GTPBP3: variants seen among roughly 807,000 people sequenced by gnomAD.
GTPBP3 encodes GTP binding protein 3, mitochondrial, also known as 5-taurinomethyluridine-[tRNA] synthase subunit GTPB3, mitochondrial.
In GTPBP3, 35 loss-of-function variants were observed where a neutral mutation model predicts 42.0. The ratio of observed to expected loss-of-function variants is 0.83; its 90% CI spans 0.64 to 1.10. The LOEUF (loss-of-function observed/expected upper bound fraction) is 1.10. Among genes scored for constraint, GTPBP3 ranks in the 50% least tolerant of loss-of-function variants. GTPBP3 has a pLI of 0.00. For missense variants in GTPBP3, 691 were observed against 685.2 expected (o/e 1.01, Z -0.09); for synonymous variants, 332 against 314.9 (o/e 1.05, Z -0.58).
rs759834872 is a variant in GTPBP3 at position 17,338,687 on chromosome 19, G to C, written c.537G>C (p.Gln179His). 7.4e-6 allele frequency: 12 copies of C among 1,613,450 alleles called. No homozygotes were observed. Among genetic ancestry groups the C allele is most frequent in the Admixed American group, 3.3e-5 (2 of 59,994 alleles). Residue 179 changes from glutamine (Q) to histidine (H), a missense_variant, in exon 4 of 9, where the codon CAG becomes CAC. Gln to His is a conservative substitution (Grantham distance 24). Coordinates refer to ENST00000324894, the MANE Select transcript of GTPBP3 (RefSeq NM_032620.4). ...CGCAGCGGCGGCAGGCCCTCAGGCAGCTGGACGGAGAGCTGGGCCACCTCT... is the reference window on the plus strand; with the variant it reads ...CGCAGCGGCGGCAGGCCCTCAGGCACCTGGACGGAGAGCTGGGCCACCTCT... ...TEAQRRQALR[Q>H]LDGELGHLCR...
At chr19:17,336,235 CAAAAA>C (rs1196472362), upstream of GTPBP3, among the ~76,000 whole-genome samples, 1 of 15,794 alleles carries the variant, frequency 6.3e-5, no homozygotes, top group African/African-American at 2.7e-4. Context: ...GACCCCGTCT[CAAAAA>C]AAAAAAAAAA....
chr19:17,341,603 C>A lies in GTPBP3; in HGVS notation c.1379C>A (p.Ala460Glu), dbSNP rs766123154. Residue 460 changes from alanine to glutamate, a missense_variant, in exon 9 of 9, where the codon GCG becomes GAG. Transcript: ENST00000324894. Reference protein sequence around the residue: ...QSKDLALAAEALRVARGHLTR... With the variant: ...QSKDLALAAEELRVARGHLTR... ...AAAGACCTGGCCCTGGCGGCAGAGG[C>A]GCTGCGGGTGGCCCGGGGTCACCTG... The A allele has an allele frequency of 1.2e-5, 20 of 1,613,826 alleles. No individual in the cohort carries two copies. The highest frequency in any genetic ancestry group is 1.7e-5 in the Non-Finnish European group (20 of 1,179,938).
chr19:17,335,011 A>T (rs2074354784), upstream of GTPBP3: 1 of 1,535,794 alleles, frequency 6.5e-7, no homozygotes, highest in Admixed American at 2.0e-5. Context: ...CTGATGGTGC[A>T]TTCTCCAACT....
chr19:17,338,776 G>A, intron 4 of GTPBP3, 35 bp downstream of exon 4: 1 of 1,581,434 alleles, frequency 6.3e-7, no homozygotes, highest in Non-Finnish European at 8.6e-7. Flanking sequence ...CTCCCTCAGA[G>A]ACCCCATCTG....
intron 7 of GTPBP3, among the ~76,000 whole-genome samples, chr19:17,340,791 CCCGCA>C (rs1206600111): frequency 2.7e-5 from 4 of 150,464 alleles, no homozygotes; most frequent in African/African-American, 9.9e-5. Flanking sequence ...CTGCCCCGCT[CCCGCA>C]CCGTGACCGC....
In GTPBP3 at chr19:17,341,710, C is replaced by A; in HGVS notation, c.*7C>A. On this transcript the variant is annotated 3_prime_UTR_variant, in exon 9 of 9. Transcript: ENST00000324894. ...CTTCTGTGTGGGCAAGTGACGGGAT[C>A]CAGGGAAGTCGCACCCAAGCTGCGT... The A allele has an allele frequency of 1.3e-6, 2 of 1,560,992 alleles. No homozygotes were observed. The highest frequency in any genetic ancestry group is 1.2e-5 in the South Asian group (1 of 84,616).
intron 7 of GTPBP3, among the ~76,000 whole-genome samples, chr19:17,339,944 A>G (rs1433974366): frequency 7.0e-6 from 1 of 142,888 alleles, no homozygotes; most frequent in Non-Finnish European, 1.5e-5. Context: ...TTTAGTAGAG[A>G]TGAGGTTTCA....
intron 7 of GTPBP3, among the ~76,000 whole-genome samples, chr19:17,340,781 C>G (rs913315850): frequency 5.4e-5 from 8 of 146,872 alleles, no homozygotes; most frequent in Non-Finnish European, 1.1e-4. Context: ...CCCTCCTGCT[C>G]TGCCCCGCTC....
chr19:17,338,595 G>A lies in GTPBP3; in HGVS notation c.445G>A (p.Ala149Thr), dbSNP rs1201855975. ...EAGEFTRRAF[A>T]NGKLNLTEVE... ...AGGCGAGTTCACCAGACGGGCGTTC[G>A]CCAATGGGAAGCTGAACCTGACCGA... Residue 149 changes from alanine to threonine, a missense_variant, in exon 4 of 9, where the codon GCC (alanine) becomes ACC (threonine). Ala to Thr is a moderately conservative substitution (Grantham distance 58, BLOSUM62 0). Transcript: ENST00000324894. 3.7e-6 allele frequency: 6 copies of A among 1,614,064 alleles called. No individual in the cohort carries two copies. Among genetic ancestry groups the A allele is most frequent in the South Asian group, 2.2e-5 (2 of 91,080 alleles).
Position 17,338,678 on chromosome 19 carries a change from C to A in GTPBP3, c.528C>A (p.Ala176=), listed in dbSNP as rs1294480105. ...HAETEAQRRQ[A]LRQLDGELGH... Reference sequence around the variant, plus strand: ...AAACAGAGGCGCAGCGGCGGCAGGCCCTCAGGCAGCTGGACGGAGAGCTGG... The same window carrying A: ...AAACAGAGGCGCAGCGGCGGCAGGCACTCAGGCAGCTGGACGGAGAGCTGG... Residue 176 remains alanine (A), a synonymous_variant, in exon 4 of 9, where the codon GCC becomes GCA. Transcript: ENST00000324894. The A allele has an allele frequency of 1.6e-5, 26 of 1,613,546 alleles. No homozygotes were observed. In the Admixed American group the frequency reaches 4.0e-4, roughly 25 times the overall value.
Position 17,338,732 on chromosome 19 carries a change from C to T in GTPBP3, c.582C>T (p.Thr194=), listed in dbSNP as rs1457308045. ...ACCTCTGCCGTGGCTGGGCCGAGAC[C>T]CTCACCAAAGCAAGTCCCCCATTTG... The part of the protein sequence containing the change: ...LGHLCRGWAE[T]LTKALAHVEA... The change falls in exon 4 of 9, where the codon ACC becomes ACT. Residue 194 remains threonine, a synonymous_variant. Coordinates refer to ENST00000324894, the MANE Select transcript of GTPBP3 (RefSeq NM_032620.4). The T allele has an allele frequency of 1.9e-6, 3 of 1,608,212 alleles. No individual in the cohort carries two copies. The highest frequency in any genetic ancestry group is 2.6e-6 in the Non-Finnish European group (3 of 1,176,220).
chr19:17,337,094 A>T (rs139197632), upstream of GTPBP3: 61 of 153,082 alleles, frequency 4.0e-4, no homozygotes, highest in African/African-American at 1.4e-3. Flanking sequence ...TGGGTTCTCC[A>T]GTACTCGTCC....
rs948734436 is a variant in GTPBP3 at position 17,342,271 on chromosome 19, T to C, written c.*568T>C. 6.6e-6 allele frequency: 1 copy of C among 151,608 alleles called. No individual in the cohort carries two copies. Among genetic ancestry groups the C allele is most frequent in the Non-Finnish European group, 1.5e-5 (1 of 67,964 alleles). The allele number at this position is 151,608 out of a possible 1,614,324, so 9.4% of individuals were successfully genotyped here. A position where few individuals can be genotyped will look rare whatever the true frequency, so the allele number is the denominator to read the frequency against. ...GGCATGTGCCAGCATGCCCGGCTAA[T>C]TTTTTTCTTTTTTTGAGACAGAGTC... On this transcript the variant is annotated 3_prime_UTR_variant, in exon 9 of 9. Transcript: ENST00000324894.
In GTPBP3 at chr19:17,338,526, G is replaced by T. The variant is rs764556394; in HGVS notation, c.389-13G>T. 6.8e-6 allele frequency: 11 copies of T among 1,613,156 alleles called. No individual in the cohort carries two copies. Among genetic ancestry groups the T allele is most frequent in the Non-Finnish European group, 9.3e-6 (11 of 1,179,470 alleles). On this transcript the variant is annotated splice_polypyrimidine_tract_variant and intron_variant, in intron 3 of 8. Transcript: ENST00000324894. ...TGGGGACCAGGGGGTGTCAGACTGG[G>T]ACCTTCCTGCAGGCAGCGTGCCAGG...
At position 17,338,259 on chromosome 19, in the gene GTPBP3, A is replaced by T; in HGVS notation, c.301+4A>T. ...GCACTGGTGCTCTGGTTCCCAGGTG[A>T]GGGTCCCCAGGTTCCGAGCCTCCTG... On this transcript the variant is annotated splice_donor_region_variant and intron_variant, in intron 2 of 8. Transcript: ENST00000324894. 2 of 1,593,128 alleles carry T rather than the reference A, an allele frequency of 1.3e-6. No homozygotes were observed. The highest frequency in any genetic ancestry group is 2.2e-5 in the South Asian group (2 of 89,768).
chr19:17,341,014 A>C, intron 7 of GTPBP3, 30 bp from the exon 8 acceptor site: 1 of 1,598,638 alleles, frequency 6.3e-7, no homozygotes, highest in Non-Finnish European at 8.5e-7. Context: ...TCAACCTGGG[A>C]TCCCCGCTCA....
intron 7 of GTPBP3, among the ~76,000 whole-genome samples, chr19:17,340,403 C>T (rs2074417183): frequency 1.3e-5 from 2 of 152,066 alleles, no homozygotes; most frequent in African/African-American, 4.8e-5. Flanking sequence ...CTAAGCCCTC[C>T]GCCCAGCCCT....
At position 17,341,467 on chromosome 19, in the gene GTPBP3, G is replaced by A. The variant is rs771818116; in HGVS notation, c.1254-11G>A. On this transcript the variant is annotated splice_polypyrimidine_tract_variant and intron_variant, in intron 8 of 8. Coordinates refer to ENST00000324894, the MANE Select transcript of GTPBP3 (RefSeq NM_032620.4). ...AAGGTCGGGAGAGACCATGTCTCTT[G>A]TCTCTTCCAGGTGTGGGGACCCGTC... 4 of 1,603,010 alleles carry A rather than the reference G, an allele frequency of 2.5e-6. No homozygotes were observed. The highest frequency in any genetic ancestry group is 1.7e-6 in the Non-Finnish European group (2 of 1,172,488).
In GTPBP3 at chr19:17,341,581, G is replaced by T; in HGVS notation, c.1357G>T (p.Asp453Tyr). The T allele has an allele frequency of 6.2e-7, 1 of 1,613,928 alleles. No individual in the cohort carries two copies. Among genetic ancestry groups the T allele is most frequent in the South Asian group, 1.1e-5 (1 of 91,084 alleles). Residue 453 changes from aspartate (D) to tyrosine (Y), a missense_variant, in exon 9 of 9, where the codon GAC becomes TAC. Asp to Tyr is a radical substitution (Grantham distance 160). Transcript: ENST00000324894. ...DALGHYKQSK[D>Y]LALAAEALRV... ...CCTCGGCCACTACAAGCAGTCAAAA[G>T]ACCTGGCCCTGGCGGCAGAGGCGCT...
Sources: gnomAD v4.1 joint callset for allele counts (sites outside exome capture counted in the v4.1 genomes callset) on GRCh38, gnomAD v4.1.1 for gene constraint, MANE v1.5 for transcripts, NCBI Gene and HGNC (gene_info 2026-07-23, HGNC 2026-07-21) for gene names.